Variants in LRIF1 observed in about 807,000 individuals in gnomAD.
The protein encoded by LRIF1 is ligand-dependent nuclear receptor-interacting factor 1.
A neutral mutation model predicts 52.7 loss-of-function variants in LRIF1; 32 were observed. The ratio of observed to expected loss-of-function variants is 0.61; its 90% CI spans 0.46 to 0.82. The LOEUF (loss-of-function observed/expected upper bound fraction) is 0.82. Among genes scored for constraint, LRIF1 ranks in the 40% least tolerant of loss-of-function variants. The pLI, the probability that LRIF1 is intolerant of heterozygous loss-of-function variation, is 0.00. For missense variants in LRIF1, 887 were observed against 892.0 expected, an observed-to-expected ratio of 0.99 and a Z score of 0.07; for synonymous variants, 323 against 317.4, an observed-to-expected ratio of 1.02 and a Z score of -0.19.
At chr1:110,906,270 ACATGGTGGCT>A in the LRIF1 span, among the ~76,000 whole-genome samples, 1 of 152,218 alleles carries the variant, frequency 6.6e-6, no homozygotes, top group Admixed American at 6.5e-5. Context: ...GAGACAACAG[ACATGGTGGCT>A]CATGCCTATA....
the LRIF1 span, among the ~76,000 whole-genome samples, chr1:110,897,106 G>T: frequency 7.2e-5 from 11 of 152,156 alleles, no homozygotes; most frequent in Non-Finnish European, 1.5e-4. Flanking sequence ...CTCTTTCTCT[G>T]CTCTTCTTCC....
At chr1:110,962,993 G>A (rs775320242) in intron 1 of LRIF1, among the ~76,000 whole-genome samples, 20 of 151,710 alleles carry the variant, frequency 1.3e-4, no homozygotes, top group South Asian at 1.3e-3. Context: ...AGAAATACTG[G>A]ACTCTCCTCA....
downstream of LRIF1, chr1:110,943,447 G>A (rs995975862): frequency 9.2e-5 from 14 of 152,078 alleles, no homozygotes; most frequent in African/African-American, 3.1e-4. Context: ...AATAAAAAAG[G>A]AGGCTAAATT....
At chr1:110,894,281 C>T in the LRIF1 span, 54 of 1,551,030 alleles carry the variant, frequency 3.5e-5, no homozygotes, top group Admixed American at 2.8e-4. Flanking sequence ...GGGAGTGGGA[C>T]GAGAATGGGG....
chr1:110,900,088 C>T, the LRIF1 span, among the ~76,000 whole-genome samples: 5 of 152,264 alleles, frequency 3.3e-5, no homozygotes, highest in Admixed American at 2.6e-4. Flanking sequence ...TTTTGTGGGT[C>T]AGGAATCTAG....
At chr1:110,934,228 G>A in the LRIF1 span, among the ~76,000 whole-genome samples, 3 of 152,240 alleles carry the variant, frequency 2.0e-5, no homozygotes, top group Non-Finnish European at 4.4e-5. Context: ...GTGAGCCACT[G>A]AGACTTGCTG....
the LRIF1 span, among the ~76,000 whole-genome samples, chr1:110,875,790 T>C: frequency 1.3e-5 from 2 of 152,046 alleles, no homozygotes; most frequent in Non-Finnish European, 2.9e-5. Context: ...GAGCTGGAGG[T>C]TGGGTGGTCA....
the LRIF1 span, chr1:110,892,643 A>G: frequency 1.1e-6 from 1 of 917,400 alleles, no homozygotes; most frequent in African/African-American, 1.7e-5. Flanking sequence ...TCATAGGAAA[A>G]TGAGATTGGT....
chr1:110,931,143 A>G, the LRIF1 span, among the ~76,000 whole-genome samples: 1 of 151,676 alleles, frequency 6.6e-6, no homozygotes, highest in South Asian at 2.1e-4. Context: ...CAGCCCCCCA[A>G]CCCCTGACAG....
chr1:110,929,448 A>G, the LRIF1 span, among the ~76,000 whole-genome samples: 3 of 152,170 alleles, frequency 2.0e-5, no homozygotes, highest in Admixed American at 2.0e-4. Context: ...CTTTTGAATA[A>G]TAGTCATTCT....
the LRIF1 span, among the ~76,000 whole-genome samples, chr1:110,914,059 C>T: frequency 0.59 from 90,167 of 151,912 alleles, 27,259 homozygotes; most frequent in East Asian, 0.83. Context: ...AAACAGAAAA[C>T]AAAATATTGC....
Position 110,957,328 on chromosome 1 carries a change from C to G in LRIF1, c.69-4513G>C, listed in dbSNP as rs1035543449. Among the ~76,000 whole-genome samples the G allele has an allele frequency of 1.2e-4, 17 of 145,840 alleles. No homozygotes were observed. The East Asian group carries it at 3.2e-3, about 27-fold the overall frequency. On this transcript the variant is annotated intron_variant, in intron 1 of 3. Transcript: ENST00000369763. Reference sequence around the variant, plus strand: ...AAAAAAAAAAAAAAAAAAAAATTAGCCGGGCGTGGTAGCAAGCGCCTGTAG... The same window carrying G: ...AAAAAAAAAAAAAAAAAAAAATTAGGCGGGCGTGGTAGCAAGCGCCTGTAG...
At position 110,947,717 on chromosome 1, in the gene LRIF1, A is replaced by ATTTTTGG. The variant is rs1658260506; in HGVS notation, c.*241_*242insCCAAAAA. 4.4e-5 allele frequency: 15 copies of ATTTTTGG among 342,976 alleles called. No individual in the cohort carries two copies. 21.2% of individuals were successfully genotyped at this position (342,976 alleles called of 1,614,324 possible). A position where few individuals can be genotyped will look rare whatever the true frequency, so the allele number is the denominator to read the frequency against. On this transcript the variant is annotated 3_prime_UTR_variant, in exon 4 of 4. Coordinates refer to ENST00000369763, the MANE Select transcript of LRIF1 (RefSeq NM_018372.4). ...GAGAATTCTAGTTAAAATAATAGAA[A>ATTTTTGG]AATATAAAATTTATCCTTCCAAAAA...
At chr1:110,957,331 G>A (rs1658743263) in intron 1 of LRIF1, among the ~76,000 whole-genome samples, 1 of 149,852 alleles carries the variant, frequency 6.7e-6, no homozygotes. Context: ...AAATTAGCCG[G>A]GCGTGGTAGC....
chr1:110,959,997 ATATC>A (rs1432986347), intron 1 of LRIF1, among the ~76,000 whole-genome samples: 1 of 152,088 alleles, frequency 6.6e-6, no homozygotes, highest in African/African-American at 2.4e-5. Flanking sequence ...AGAACATAAT[ATATC>A]TAAGTACATA....
chr1:110,922,545 T>C, the LRIF1 span, among the ~76,000 whole-genome samples: 1 of 152,052 alleles, frequency 6.6e-6, no homozygotes, highest in Non-Finnish European at 1.5e-5. Context: ...AAAAAATCAG[T>C]AAAGATAGAG....
intron 1 of LRIF1, among the ~76,000 whole-genome samples, chr1:110,953,133 C>T (rs1344150474): frequency 6.6e-6 from 1 of 151,906 alleles, no homozygotes; most frequent in African/African-American, 2.4e-5. Flanking sequence ...TAGCATCCTC[C>T]CTTCCCCCTT....
the LRIF1 span, among the ~76,000 whole-genome samples, chr1:110,927,822 G>A: frequency 6.6e-6 from 1 of 152,082 alleles, no homozygotes; most frequent in East Asian, 1.9e-4. Context: ...ACCATCAGAG[G>A]TAGAAATAGT....
the LRIF1 span, chr1:110,940,174 T>A: frequency 3.9e-5 from 6 of 152,128 alleles, no homozygotes; most frequent in Non-Finnish European, 7.4e-5. Flanking sequence ...AGCAAAAGAT[T>A]TGAATACACA....
Sources: gnomAD v4.1 joint callset for allele counts (sites outside exome capture counted in the v4.1 genomes callset) on GRCh38, gnomAD v4.1.1 for gene constraint, MANE v1.5 for transcripts, NCBI Gene and HGNC (gene_info 2026-07-23, HGNC 2026-07-21) for gene names.